The following ZC2HC1B variants were observed in gnomAD, a reference collection of about 807,000 sequenced individuals.
The protein encoded by ZC2HC1B is zinc finger C2HC domain-containing protein 1B.
In ZC2HC1B, 36 loss-of-function variants were observed where a neutral mutation model predicts 31.0. The observed-to-expected ratio is 1.16, with a 90% CI of 0.89 to 1.54. The LOEUF (loss-of-function observed/expected upper bound fraction) is 1.54. Ranked by LOEUF, ZC2HC1B falls within the 40% of genes most tolerant of loss-of-function variation. The pLI is 0.00. For missense variants in ZC2HC1B, 260 were observed against 268.6 expected (o/e 0.97, Z 0.22); for synonymous variants, 73 against 88.0 (o/e 0.83, Z 0.95).
intron 1 of ZC2HC1B, among the ~76,000 whole-genome samples, chr6:143,879,821 C>T: frequency 1.5e-5 from 2 of 135,238 alleles, no homozygotes; most frequent in Non-Finnish European, 1.6e-5. Context: ...CAAGTTGTCC[C>T]TGATTTTTTT....
chr6:143,908,583 T>C lies in ZC2HC1B; in HGVS notation c.598+5431T>C, dbSNP rs1225888076. ...CATGATTTGGCTCTCAGCTTGCCTG[T>C]TGTTTGTGTATAGGAATGCTAGCAA... On this transcript the variant is annotated intron_variant, in intron 6 of 7. Transcript: ENST00000237275. This position sits in a 1 kb window ranked among gnomAD's most constrained non-coding sequence, Gnocchi z 4.4. Among the ~76,000 whole-genome samples the C allele has an allele frequency of 6.6e-6, 1 of 152,210 alleles. No homozygotes were observed. The highest frequency in any genetic ancestry group is 2.4e-5 in the African/African-American group (1 of 41,450).
In ZC2HC1B at chr6:143,868,032, C is replaced by A. The variant is rs1325228550; in HGVS notation, c.28+3465C>A. ...TGACAGCTTGACTGAATATAGAATT[C>A]TTGGTTGTAGATTATTTTACCTCAG... On this transcript the variant is annotated intron_variant, in intron 1 of 7. Transcript: ENST00000237275. The surrounding 1 kb of genome is among the most constrained non-coding windows in gnomAD (Gnocchi z 4.2). Among the ~76,000 whole-genome samples the A allele has an allele frequency of 1.3e-5, 2 of 152,148 alleles. No individual in the cohort carries two copies. Among genetic ancestry groups the A allele is most frequent in the Admixed American group, 1.3e-4 (2 of 15,284 alleles).
chr6:143,876,117 G>A (rs1449191229), intron 1 of ZC2HC1B, among the ~76,000 whole-genome samples: 11 of 150,576 alleles, frequency 7.3e-5, no homozygotes, highest in Non-Finnish European at 1.3e-4. Context: ...GCTTGTATCT[G>A]TTTTTCCACA....
intron 7 of ZC2HC1B, 103 bp downstream of exon 7, chr6:143,937,836 C>A: frequency 1.2e-6 from 1 of 806,618 alleles, no homozygotes; most frequent in Non-Finnish European, 1.9e-6. Context: ...TCTGGACAAA[C>A]TCCAAGTTGG....
chr6:143,897,883 C>T (rs1326131028), intron 4 of ZC2HC1B, among the ~76,000 whole-genome samples: 1 of 152,236 alleles, frequency 6.6e-6, no homozygotes, highest in Non-Finnish European at 1.5e-5. Flanking sequence ...CTGTGCCCTA[C>T]TGTGCCATCA....
intron 1 of ZC2HC1B, among the ~76,000 whole-genome samples, chr6:143,879,315 C>T (rs1261276084): frequency 6.6e-6 from 1 of 152,154 alleles, no homozygotes; most frequent in East Asian, 1.9e-4. Context: ...TCCTCCCTGT[C>T]CTATGTTTCT....
In ZC2HC1B at chr6:143,886,930, T is replaced by G. The variant is rs2128494072; in HGVS notation, c.349+109T>G. 3.8e-6 allele frequency: 4 copies of G among 1,053,230 alleles called. No homozygotes were observed. The highest frequency in any genetic ancestry group is 6.3e-5 in the East Asian group (2 of 31,518). 65.2% of individuals were successfully genotyped at this position (1,053,230 alleles called of 1,614,324 possible). ...CAATAACAATTACATAGAAGTAATTTTATTAATTATATAAAAGTAAACATC... is the reference window on the plus strand; with the variant it reads ...CAATAACAATTACATAGAAGTAATTGTATTAATTATATAAAAGTAAACATC... On this transcript the variant is annotated intron_variant, in intron 4 of 7. Coordinates refer to ENST00000237275, the MANE Select transcript of ZC2HC1B (RefSeq NM_001013623.3). The surrounding 1 kb of genome is among the most constrained non-coding windows in gnomAD (Gnocchi z 4.2).
intron 5 of ZC2HC1B, 80 bp from the exon 6 acceptor site, chr6:143,902,964 G>A: frequency 7.5e-7 from 1 of 1,326,648 alleles, no homozygotes; most frequent in African/African-American, 1.5e-5. Flanking sequence ...GGTTAAGTGG[G>A]AACAGCTGTA....
In ZC2HC1B at chr6:143,923,203, G is replaced by T. The variant is rs1562347648; in HGVS notation, c.599-14446G>T. 6.6e-6 allele frequency among the ~76,000 whole-genome samples: 1 copy of T among 150,666 alleles called. No individual in the cohort carries two copies. Among genetic ancestry groups the T allele is most frequent in the Non-Finnish European group, 1.5e-5 (1 of 67,742 alleles). ...GGGTGAGAGAGGTATGTCTTCTTTT[G>T]AGAAATGCCTACTCAGATCCTTTGC... On this transcript the variant is annotated intron_variant, in intron 6 of 7. Coordinates refer to ENST00000237275, the MANE Select transcript of ZC2HC1B (RefSeq NM_001013623.3). The surrounding 1 kb of genome is among the most constrained non-coding windows in gnomAD (Gnocchi z 4.8).
At position 143,865,229 on chromosome 6, in the gene ZC2HC1B, T is replaced by G. The variant is rs1777242584; in HGVS notation, c.28+662T>G. On this transcript the variant is annotated intron_variant, in intron 1 of 7. Coordinates refer to ENST00000237275, the MANE Select transcript of ZC2HC1B (RefSeq NM_001013623.3). This position sits in a 1 kb window ranked among gnomAD's most constrained non-coding sequence, Gnocchi z 4.4. ...ATGATTGGGAACTGAACATAAAAGC[T>G]CCATGCTAAATGTTGGGAGCCCAAG... Among the ~76,000 whole-genome samples the G allele has an allele frequency of 6.6e-6, 1 of 152,172 alleles. No homozygotes were observed. Among genetic ancestry groups the G allele is most frequent in the South Asian group, 2.1e-4 (1 of 4,824 alleles).
intron 1 of ZC2HC1B, among the ~76,000 whole-genome samples, chr6:143,874,100 A>C (rs1186221709): frequency 6.6e-6 from 1 of 152,120 alleles, no homozygotes; most frequent in Non-Finnish European, 1.5e-5. Flanking sequence ...AATTTCTTCC[A>C]CCAGGTACCC....
At position 143,876,152 on chromosome 6, in the gene ZC2HC1B, A is replaced by C. The variant is rs139711423; in HGVS notation, c.29-8152A>C. Among the ~76,000 whole-genome samples, 48 of 150,582 alleles carry C rather than the reference A, an allele frequency of 3.2e-4. 1 individual carries two copies. The highest frequency in any genetic ancestry group is 1.1e-3 in the African/African-American group (45 of 40,880). Reference sequence around the variant, plus strand: ...AATTTCAGCTCTTTCTCTACAGGAGATAAGACTCTCACTCAGGGCAATCTT... The same window carrying C: ...AATTTCAGCTCTTTCTCTACAGGAGCTAAGACTCTCACTCAGGGCAATCTT... On this transcript the variant is annotated intron_variant, in intron 1 of 7. Transcript: ENST00000237275.
chr6:143,884,622 C>T lies in ZC2HC1B; in HGVS notation c.90+257C>T, dbSNP rs9399466. 4.1e-3 allele frequency among the ~76,000 whole-genome samples: 628 copies of T among 152,270 alleles called. 17 individuals carry two copies. In the East Asian group the frequency reaches 0.089, roughly 21 times the overall value. ...AGTCTCTTGGCATCGTCAATGATCC[C>T]TCAAGAGGTTTTGGCTCTTCCACCT... On this transcript the variant is annotated intron_variant, in intron 2 of 7. Transcript: ENST00000237275. The surrounding 1 kb of genome is among the most constrained non-coding windows in gnomAD (Gnocchi z 5.1).
At chr6:143,876,824 T>C (rs966408266) in intron 1 of ZC2HC1B, among the ~76,000 whole-genome samples, 4 of 149,990 alleles carry the variant, frequency 2.7e-5, no homozygotes, top group Non-Finnish European at 5.9e-5. Flanking sequence ...TAGGCCAGTC[T>C]AGTTTTTTTC....
intron 1 of ZC2HC1B, among the ~76,000 whole-genome samples, chr6:143,882,332 T>TATATATATA (rs1554237224): frequency 2.5e-4 from 17 of 67,378 alleles, no homozygotes; most frequent in Admixed American, 1.2e-3. Context: ...ATTTTATATT[T>TATATATATA]TTTATATATA....
chr6:143,876,579 AT>A (rs1777410770), intron 1 of ZC2HC1B, among the ~76,000 whole-genome samples: 2 of 150,594 alleles, frequency 1.3e-5, no homozygotes, highest in South Asian at 4.3e-4. Context: ...AAAAATCTGT[AT>A]TAGTCAGGGT....
At position 143,908,011 on chromosome 6, in the gene ZC2HC1B, C is replaced by A. The variant is rs1777816233; in HGVS notation, c.598+4859C>A. Among the ~76,000 whole-genome samples, 1 of 152,162 alleles carries A rather than the reference C, an allele frequency of 6.6e-6. No individual in the cohort carries two copies. Among genetic ancestry groups the A allele is most frequent in the Non-Finnish European group, 1.5e-5 (1 of 68,044 alleles). On this transcript the variant is annotated intron_variant, in intron 6 of 7. Coordinates refer to ENST00000237275, the MANE Select transcript of ZC2HC1B (RefSeq NM_001013623.3). The surrounding 1 kb of genome is among the most constrained non-coding windows in gnomAD (Gnocchi z 4.4). ...CTCTGCATATGGCTGGCCAGTTATC[C>A]CAGCACCATTTATTAAATAAAGAAT...
rs1475151121 is a variant in ZC2HC1B, at chr6:143,918,042, CA to C, written c.598+14892del. On this transcript the variant is annotated intron_variant, in intron 6 of 7. Coordinates refer to ENST00000237275, the MANE Select transcript of ZC2HC1B (RefSeq NM_001013623.3). The surrounding 1 kb of genome is among the most constrained non-coding windows in gnomAD (Gnocchi z 4.1). ...AGATTTTGATTTCTTCATACAGCTT[CA>C]AGTTTCTGTCTAGGATCCTCCCACT... Among the ~76,000 whole-genome samples, 1 of 152,172 alleles carries C rather than the reference CA, an allele frequency of 6.6e-6. No individual in the cohort carries two copies. Among genetic ancestry groups the C allele is most frequent in the Non-Finnish European group, 1.5e-5 (1 of 68,034 alleles).
intron 4 of ZC2HC1B, among the ~76,000 whole-genome samples, chr6:143,893,836 A>G (rs189955201): frequency 2.6e-4 from 39 of 151,870 alleles, no homozygotes; most frequent in Non-Finnish European, 4.1e-4. Context: ...ACAGGCACCC[A>G]CCACCACACC....
Sources: gnomAD v4.1 joint callset for allele counts (sites outside exome capture counted in the v4.1 genomes callset) on GRCh38, gnomAD v4.1.1 for gene constraint, Gnocchi (gnomAD v3.1) non-coding constraint, MANE v1.5 for transcripts, NCBI Gene and HGNC (gene_info 2026-07-23, HGNC 2026-07-21) for gene names.